The following TMPRSS5 variants were observed in gnomAD, a reference collection of about 807,000 sequenced individuals.
TMPRSS5 encodes the protein transmembrane protease serine 5.
Under a neutral mutation model 59.7 loss-of-function variants are expected in TMPRSS5, and 45 were observed. The observed-to-expected ratio is 0.75, with a 90% CI of 0.59 to 0.97. TMPRSS5 has a LOEUF of 0.97. TMPRSS5 is among the 50% of genes least tolerant of loss of function. The probability of loss-of-function intolerance (pLI) is 0.00; values close to 1 mark genes in which losing one functional copy is unlikely to be tolerated. For synonymous variants in TMPRSS5, 225 were observed against 232.0 expected (o/e 0.97, Z 0.27); for missense variants, 585 against 596.7 (o/e 0.98, Z 0.20).
chr11:113,704,881 G>C (rs7121672), intron 1 of TMPRSS5, among the ~76,000 whole-genome samples: 14 of 126,224 alleles, frequency 1.1e-4, no homozygotes, highest in African/African-American at 1.7e-4. Flanking sequence ...AAGAAGGGAG[G>C]GGGGAGGGAG....
intron 4 of TMPRSS5, among the ~76,000 whole-genome samples, chr11:113,698,049 C>T (rs1952979588): frequency 6.6e-6 from 1 of 152,132 alleles, no homozygotes; most frequent in South Asian, 2.1e-4. Context: ...GAAGAGACAC[C>T]AGAGAGCTCC....
intron 7 of TMPRSS5, 60 bp from the exon 8 acceptor site, chr11:113,694,700 A>G: frequency 6.8e-7 from 1 of 1,460,290 alleles, no homozygotes; most frequent in East Asian, 2.5e-5. Flanking sequence ...GCATGGTCCT[A>G]ACTCTCAGGA....
intron 1 of TMPRSS5, among the ~76,000 whole-genome samples, chr11:113,704,943 A>T (rs1027704883): frequency 2.6e-5 from 4 of 152,236 alleles, no homozygotes; most frequent in Middle Eastern, 3.4e-3. Context: ...TGACTTTAAA[A>T]ATTGTAAAGC....
chr11:113,698,687 T>C (rs2134812036), intron 4 of TMPRSS5, among the ~76,000 whole-genome samples: 1 of 152,282 alleles, frequency 6.6e-6, no homozygotes, highest in Middle Eastern at 3.4e-3. Flanking sequence ...CTCCGGACCT[T>C]GCCCCAGCTA....
At chr11:113,703,244 A>G (rs1953193136) in intron 1 of TMPRSS5, among the ~76,000 whole-genome samples, 1 of 152,250 alleles carries the variant, frequency 6.6e-6, no homozygotes, top group Non-Finnish European at 1.5e-5. Flanking sequence ...TAGTCAAAGG[A>G]GATCATTTTG....
Position 113,706,282 on chromosome 11 carries a change from G to C in TMPRSS5, c.-58C>G, listed in dbSNP as rs1953292004. On this transcript the variant is annotated 5_prime_UTR_variant, in exon 1 of 13. Transcript: ENST00000299882. ...GTCTACTAGGCAATGTTCCGCTCCT[G>C]TTCTCAGGCCAGCATTGATTAAAGC... The C allele has an allele frequency of 6.3e-7, 1 of 1,584,628 alleles. No homozygotes were observed. The highest frequency in any genetic ancestry group is 8.6e-7 in the Non-Finnish European group (1 of 1,164,870).
At position 113,693,141 on chromosome 11, in the gene TMPRSS5, G is replaced by C. The variant is rs1471956859; in HGVS notation, c.894C>G (p.Pro298=). The C allele has an allele frequency of 2.5e-6, 4 of 1,598,920 alleles. No homozygotes were observed. The African/African-American group carries it at 5.4e-5, about 21-fold the overall frequency. The part of the protein sequence containing the change: ...GALVERIIPH[P]LYSAQNHDYD... Reference sequence around the variant, plus strand: ...AGTCATGATTCTGGGCACTGTAGAGGGGGTGTGGGATAATCCTCTCCACCA... The same window carrying C: ...AGTCATGATTCTGGGCACTGTAGAGCGGGTGTGGGATAATCCTCTCCACCA... Residue 298 remains proline, a synonymous_variant, in exon 9 of 13, where the codon CCC becomes CCG. Coordinates refer to ENST00000299882, the MANE Select transcript of TMPRSS5 (RefSeq NM_030770.4).
Position 113,694,560 on chromosome 11 carries a change from C to T in TMPRSS5, c.703G>A (p.Val235Met), listed in dbSNP as rs757921252. ...APGRWPWQASVALGFRHTCGG... is the reference protein window; with the variant it reads ...APGRWPWQASMALGFRHTCGG... Reference sequence around the variant, plus strand: ...CACGTGTGCCGGAAGCCCAGGGCCACGCTGGCCTGCCACGGCCAGCGCCCA... The same window carrying T: ...CACGTGTGCCGGAAGCCCAGGGCCATGCTGGCCTGCCACGGCCAGCGCCCA... Residue 235 changes from valine (V) to methionine (M), a missense_variant, in exon 8 of 13, where the codon GTG becomes ATG. Coordinates refer to ENST00000299882, the MANE Select transcript of TMPRSS5 (RefSeq NM_030770.4). The T allele has an allele frequency of 3.5e-5, 54 of 1,549,922 alleles. No individual in the cohort carries two copies. Among genetic ancestry groups the T allele is most frequent in the Admixed American group, 2.9e-4 (15 of 50,940 alleles).
intron 9 of TMPRSS5, among the ~76,000 whole-genome samples, chr11:113,692,867 T>C (rs1952821089): frequency 6.6e-6 from 1 of 152,110 alleles, no homozygotes; most frequent in Admixed American, 6.6e-5. Flanking sequence ...CTGAACCTCT[T>C]TTCCCAAAAG....
In TMPRSS5 at chr11:113,694,573, C is replaced by T. The variant is rs1482618340; in HGVS notation, c.690G>A (p.Pro230=). The change falls in exon 8 of 13, where the codon CCG becomes CCA. Residue 230 remains proline, a synonymous_variant. Transcript: ENST00000299882. ...AGCCCAGGGCCACGCTGGCCTGCCACGGCCAGCGCCCAGGAGCCACAGACT... is the reference window on the plus strand; with the variant it reads ...AGCCCAGGGCCACGCTGGCCTGCCATGGCCAGCGCCCAGGAGCCACAGACT... ...GGQSVAPGRW[P]WQASVALGFR... is the part of the protein sequence containing the mutation. The T allele has an allele frequency of 5.8e-6, 9 of 1,557,048 alleles. No individual in the cohort carries two copies. The highest frequency in any genetic ancestry group is 2.4e-5 in the East Asian group (1 of 41,250).
chr11:113,705,604 G>A (rs946916450), intron 1 of TMPRSS5, among the ~76,000 whole-genome samples: 1 of 152,194 alleles, frequency 6.6e-6, no homozygotes, highest in Non-Finnish European at 1.5e-5. Context: ...AGGCAGTGAG[G>A]CTGCAGGACA....
chr11:113,697,017 T>C (rs1952947120), intron 5 of TMPRSS5, 46 bp from the exon 6 acceptor site: 3 of 1,405,780 alleles, frequency 2.1e-6, no homozygotes, highest in African/African-American at 2.8e-5. Context: ...ATAACTGGAA[T>C]ATGTACGAGA....
At chr11:113,704,451 C>T (rs1326076412) in intron 1 of TMPRSS5, among the ~76,000 whole-genome samples, 3 of 152,280 alleles carry the variant, frequency 2.0e-5, no homozygotes, top group Admixed American at 2.0e-4. Context: ...CCCCATGAGT[C>T]TTTGTGGCCT....
chr11:113,702,998 C>G (rs960620237), intron 1 of TMPRSS5, among the ~76,000 whole-genome samples: 1 of 152,188 alleles, frequency 6.6e-6, no homozygotes, highest in African/African-American at 2.4e-5. Context: ...AGGGTTGGAG[C>G]CCCCACACAG....
chr11:113,690,508 G>A (rs1201996935), intron 10 of TMPRSS5, 135 bp from the exon 11 acceptor site: 8 of 1,342,302 alleles, frequency 6.0e-6, no homozygotes, highest in African/African-American at 5.9e-5. Context: ...AGCTGTGGAC[G>A]CTGAGCAAGG....
chr11:113,705,403 C>T (rs1350623090), intron 1 of TMPRSS5, among the ~76,000 whole-genome samples: 1 of 152,140 alleles, frequency 6.6e-6, no homozygotes, highest in Non-Finnish European at 1.5e-5. Flanking sequence ...CGCAGCAGCC[C>T]CAACATCTTG....
rs1591379935 is a variant in TMPRSS5, at chr11:113,695,390, T to C, written c.622+10A>G. 1 of 1,613,830 alleles carries C rather than the reference T, an allele frequency of 6.2e-7. No individual in the cohort carries two copies. The highest frequency in any genetic ancestry group is 2.2e-5 in the East Asian group (1 of 44,848). On this transcript the variant is annotated intron_variant, in intron 7 of 12. Coordinates refer to ENST00000299882, the MANE Select transcript of TMPRSS5 (RefSeq NM_030770.4). ...CACCGCCACCTCCCCTAGACCAAGA[T>C]ATGACTCACCAGAGCATCTGAGGGA... is the stretch of plus-strand genomic sequence containing the variant.
intron 6 of TMPRSS5, 93 bp downstream of exon 6, chr11:113,696,765 C>G (rs1184841868): frequency 1.8e-5 from 15 of 813,542 alleles, no homozygotes; most frequent in Non-Finnish European, 3.1e-5. Flanking sequence ...CACCAGTGTC[C>G]TCCCCACCGG....
Position 113,697,402 on chromosome 11 carries a change from G to A in TMPRSS5, c.345C>T (p.Asn115=). Residue 115 remains asparagine, a synonymous_variant, in exon 5 of 13, where the codon AAC becomes AAT. Transcript: ENST00000299882. Reference sequence around the variant, plus strand: ...GCGCTTCCAGCAAGAAGTCTTCGCTGTTTATTCTGAAAGATACTGAAATCA... The same window carrying A: ...GCGCTTCCAGCAAGAAGTCTTCGCTATTTATTCTGAAAGATACTGAAATCA... ...ALPKTVSFRI[N]SEDFLLEAQV... 2 of 1,613,794 alleles carry A rather than the reference G, an allele frequency of 1.2e-6. No homozygotes were observed. The highest frequency in any genetic ancestry group is 2.2e-5 in the South Asian group (2 of 91,070).
Sources: gnomAD v4.1 joint callset for allele counts (sites outside exome capture counted in the v4.1 genomes callset) on GRCh38, gnomAD v4.1.1 for gene constraint, MANE v1.5 for transcripts, NCBI Gene and HGNC (gene_info 2026-07-23, HGNC 2026-07-21) for gene names.